Variants in UBE2G1 observed in about 807,000 individuals in gnomAD.
UBE2G1 encodes the protein ubiquitin conjugating enzyme E2 G1, also known as ubiquitin-conjugating enzyme E2 G1.
In UBE2G1, 5 loss-of-function variants were observed where a neutral mutation model predicts 22.7. That is an observed-to-expected ratio of 0.22 (90% confidence interval 0.12 to 0.46). UBE2G1 has a LOEUF of 0.46. UBE2G1 is among the 20% of genes least tolerant of loss of function. UBE2G1 has a pLI of 0.99. For missense variants in UBE2G1, 88 were observed against 203.9 expected, an observed-to-expected ratio of 0.43 and a Z score of 3.46; for synonymous variants, 74 against 67.5, an observed-to-expected ratio of 1.10 and a Z score of -0.47.
chr17:4,293,953 G>C (rs183201590), intron 3 of UBE2G1, among the ~76,000 whole-genome samples: 3 of 152,088 alleles, frequency 2.0e-5, no homozygotes, highest in Non-Finnish European at 4.4e-5. Context: ...TCTTCTATGA[G>C]TGTAATCTTT....
chr17:4,334,521 C>CA (rs957797007), intron 1 of UBE2G1, among the ~76,000 whole-genome samples: 8 of 152,026 alleles, frequency 5.3e-5, no homozygotes, highest in African/African-American at 1.9e-4. Context: ...CCCATCTTCT[C>CA]AAAAACAATG....
At position 4,289,425 on chromosome 17, in the gene UBE2G1, G is replaced by C; in HGVS notation, c.248-17C>G. On this transcript the variant is annotated splice_polypyrimidine_tract_variant and intron_variant, in intron 3 of 5. Transcript: ENST00000396981. ...TTTTATCAACTGCAAAATTCAAGAA[G>C]AGGCTTGTTTCATATATTACTAATT... 4.1e-6 allele frequency: 6 copies of C among 1,464,196 alleles called. No homozygotes were observed. Among genetic ancestry groups the C allele is most frequent in the Non-Finnish European group, 5.5e-6 (6 of 1,100,678 alleles). 90.7% of individuals were successfully genotyped at this position (1,464,196 alleles called of 1,614,324 possible). A position where few individuals can be genotyped will look rare whatever the true frequency, so the allele number is the denominator to read the frequency against.
intron 1 of UBE2G1, among the ~76,000 whole-genome samples, chr17:4,317,345 C>T (rs999797371): frequency 2.6e-5 from 4 of 151,954 alleles, no homozygotes; most frequent in Admixed American, 6.5e-5. Context: ...AGCGAGACTT[C>T]GTCTCAAAAA....
intron 3 of UBE2G1, among the ~76,000 whole-genome samples, chr17:4,296,229 TA>T (rs999669531): frequency 9.2e-5 from 14 of 151,998 alleles, no homozygotes; most frequent in African/African-American, 3.1e-4. Flanking sequence ...ACTAAGTAAA[TA>T]AATAAAAAAT....
At chr17:4,283,020 G>A in intron 4 of UBE2G1, 99 bp from the exon 5 acceptor site, 1 of 998,876 alleles carries the variant, frequency 1.0e-6, no homozygotes, top group Non-Finnish European at 1.5e-6. Flanking sequence ...TTGGTGATTT[G>A]TACACTTCAG....
intron 1 of UBE2G1, among the ~76,000 whole-genome samples, chr17:4,362,891 G>C (rs1969985312): frequency 6.6e-6 from 1 of 152,144 alleles, no homozygotes; most frequent in South Asian, 2.1e-4. Context: ...GGGAGGCCGA[G>C]GTGGGTGGAT....
chr17:4,309,751 T>C (rs1969287944), intron 1 of UBE2G1, among the ~76,000 whole-genome samples: 1 of 152,212 alleles, frequency 6.6e-6, no homozygotes, highest in African/African-American at 2.4e-5. Context: ...TTCTATAATA[T>C]ATCCAGAAAT....
chr17:4,312,752 G>C (rs1392466755), intron 1 of UBE2G1, among the ~76,000 whole-genome samples: 1 of 147,986 alleles, frequency 6.8e-6, no homozygotes, highest in East Asian at 2.0e-4. Flanking sequence ...AGCTAAAGGA[G>C]ATGCATTTAA....
intron 5 of UBE2G1, among the ~76,000 whole-genome samples, chr17:4,278,446 T>TAA (rs35977240): frequency 8.6e-5 from 13 of 151,266 alleles, no homozygotes; most frequent in African/African-American, 3.2e-4. Context: ...AAAGAAAAAA[T>TAA]AAAAAAAAAT....
chr17:4,354,966 A>C (rs1225786100), intron 1 of UBE2G1, among the ~76,000 whole-genome samples: 1 of 151,938 alleles, frequency 6.6e-6, no homozygotes. Flanking sequence ...GTGGTGGTGC[A>C]TGCCTATAGT....
chr17:4,301,748 C>A, intron 2 of UBE2G1: 2 of 640,746 alleles, frequency 3.1e-6, no homozygotes, highest in South Asian at 1.4e-5. Flanking sequence ...GAGTGCTCAG[C>A]AGTTGCCCAG....
intron 1 of UBE2G1, among the ~76,000 whole-genome samples, chr17:4,320,152 T>C (rs1046847023): frequency 3.3e-5 from 5 of 152,144 alleles, no homozygotes; most frequent in African/African-American, 4.8e-5. Flanking sequence ...TCAGGATTTC[T>C]ATGTTAAAAA....
chr17:4,348,237 G>A (rs1040360599), intron 1 of UBE2G1, among the ~76,000 whole-genome samples: 18 of 152,068 alleles, frequency 1.2e-4, no homozygotes, highest in Non-Finnish European at 2.2e-4. Context: ...CAGTCTAGGT[G>A]ACAGAGCAAG....
intron 1 of UBE2G1, among the ~76,000 whole-genome samples, chr17:4,352,917 TA>T (rs903495310): frequency 6.6e-6 from 1 of 151,886 alleles, no homozygotes; most frequent in African/African-American, 2.4e-5. Flanking sequence ...TCTACTAAAA[TA>T]CAAAAATCAG....
chr17:4,361,955 G>A (rs1969973589), intron 1 of UBE2G1, among the ~76,000 whole-genome samples: 1 of 96,226 alleles, frequency 1.0e-5, no homozygotes, highest in African/African-American at 4.9e-5. Context: ...GAGCAAGACT[G>A]TCTCAAAAAA....
At chr17:4,314,705 C>G (rs1969346977) in intron 1 of UBE2G1, among the ~76,000 whole-genome samples, 1 of 152,138 alleles carries the variant, frequency 6.6e-6, no homozygotes, top group South Asian at 2.1e-4. Context: ...CCAGATATTA[C>G]AGTCTCCTGA....
chr17:4,307,224 A>G (rs780297703), intron 1 of UBE2G1, 101 bp from the exon 2 acceptor site: 5 of 1,032,916 alleles, frequency 4.8e-6, no homozygotes, highest in African/African-American at 1.6e-5. Context: ...GTAAGTTTTA[A>G]ACCATTAAAT....
chr17:4,342,520 T>TGTGGTGAGCC (rs149705778), intron 1 of UBE2G1, among the ~76,000 whole-genome samples: 1 of 152,284 alleles, frequency 6.6e-6, no homozygotes, highest in Non-Finnish European at 1.5e-5. Context: ...GGTTCGAGGC[T>TGTGGTGAGCC]GTGGTGAGCC....
intron 3 of UBE2G1, among the ~76,000 whole-genome samples, chr17:4,294,387 G>C (rs1969079670): frequency 7.1e-6 from 1 of 141,172 alleles, no homozygotes; most frequent in Admixed American, 7.3e-5. Context: ...CTGCATTCCA[G>C]CCTGGGCGAG....
Sources: gnomAD v4.1 joint callset for allele counts (sites outside exome capture counted in the v4.1 genomes callset) on GRCh38, gnomAD v4.1.1 for gene constraint, MANE v1.5 for transcripts, NCBI Gene and HGNC (gene_info 2026-07-23, HGNC 2026-07-21) for gene names.